The following LRRC40 variants were observed in gnomAD, a reference collection of about 807,000 sequenced individuals.
LRRC40 encodes leucine-rich repeat-containing protein 40.
LRRC40 carries 76 observed loss-of-function variants against 72.8 expected under a neutral mutation model. The ratio of observed to expected loss-of-function variants is 1.04; its 90% confidence interval spans 0.87 to 1.26. The LOEUF (loss-of-function observed/expected upper bound fraction) is 1.26. Among genes scored for constraint, LRRC40 ranks in the 50% most tolerant of loss-of-function variants. LRRC40 has a pLI of 0.00. For synonymous variants in LRRC40, 243 were observed against 254.2 expected, an observed-to-expected ratio of 0.96 and a Z score of 0.42; for missense variants, 684 against 698.9, an observed-to-expected ratio of 0.98 and a Z score of 0.24.
At chr1:70,179,391 G>A (rs1668192500) in intron 5 of LRRC40, among the ~76,000 whole-genome samples, 1 of 152,078 alleles carries the variant, frequency 6.6e-6, no homozygotes, top group Middle Eastern at 3.2e-3. Context: ...GGAGGTTGAG[G>A]CAGGAAGAAT....
chr1:70,195,367 A>AT (rs893493998), intron 1 of LRRC40, among the ~76,000 whole-genome samples: 3 of 149,536 alleles, frequency 2.0e-5, no homozygotes, highest in African/African-American at 7.3e-5. Flanking sequence ...ATAAAAACCC[A>AT]TTTAAAAAAA....
chr1:70,178,942 T>G lies in LRRC40; in HGVS notation c.713A>C (p.Glu238Ala), dbSNP rs769580652. 1 of 1,602,164 alleles carries G rather than the reference T, an allele frequency of 6.2e-7. No homozygotes were observed. The highest frequency in any genetic ancestry group is 2.2e-5 in the East Asian group (1 of 44,638). Residue 238 changes from glutamate (E) to alanine (A), a missense_variant, in exon 6 of 15, where the codon GAA becomes GCA. Transcript: ENST00000370952. Reference protein sequence around the residue: ...NSNLLETIPPELAGMESLELL... With the variant: ...NSNLLETIPPALAGMESLELL... ...TTCTAGTGATTCCATGCCAGCCAATTCAGGAGGTATAGTTTCCAAGAGATT... is the reference window on the plus strand; with the variant it reads ...TTCTAGTGATTCCATGCCAGCCAATGCAGGAGGTATAGTTTCCAAGAGATT...
intron 14 of LRRC40, 115 bp from the exon 15 acceptor site, chr1:70,146,020 T>G (rs894843139): frequency 1.8e-6 from 1 of 558,370 alleles, no homozygotes; most frequent in Admixed American, 3.3e-5. Flanking sequence ...TATTTGCCCC[T>G]TTTTATTTTT....
At chr1:70,200,227 G>A (rs1668705891) in intron 1 of LRRC40, among the ~76,000 whole-genome samples, 1 of 152,164 alleles carries the variant, frequency 6.6e-6, no homozygotes, top group Non-Finnish European at 1.5e-5. Flanking sequence ...AGTACTTCGG[G>A]AGGCCAAGGC....
chr1:70,151,031 A>T (rs1240710640), intron 13 of LRRC40, 97 bp downstream of exon 13: 1 of 625,540 alleles, frequency 1.6e-6, no homozygotes, highest in African/African-American at 1.9e-5. Flanking sequence ...GAAATAAAGT[A>T]GAAGGGGCCT....
intron 9 of LRRC40, among the ~76,000 whole-genome samples, chr1:70,165,550 T>A (rs1486352846): frequency 6.6e-6 from 1 of 152,236 alleles, no homozygotes; most frequent in African/African-American, 2.4e-5. Context: ...CCAAAGTTTT[T>A]ATCTCATTTT....
chr1:70,203,760 A>C (rs1668802243), intron 1 of LRRC40, among the ~76,000 whole-genome samples: 1 of 152,230 alleles, frequency 6.6e-6, no homozygotes, highest in African/African-American at 2.4e-5. Context: ...AAAGATAGGA[A>C]GATAAGAAGC....
chr1:70,162,839 T>C (rs987969014), intron 9 of LRRC40, among the ~76,000 whole-genome samples: 3 of 152,176 alleles, frequency 2.0e-5, no homozygotes, highest in Non-Finnish European at 4.4e-5. Context: ...AGTACAAGAT[T>C]GCAAAGAAAC....
At chr1:70,169,077 G>C (rs987060260) in intron 9 of LRRC40, among the ~76,000 whole-genome samples, 1 of 152,116 alleles carries the variant, frequency 6.6e-6, no homozygotes, top group South Asian at 2.1e-4. Flanking sequence ...GGTCCCAGGT[G>C]GGGGAGAACA....
intron 6 of LRRC40, among the ~76,000 whole-genome samples, chr1:70,177,389 T>C (rs890940489): frequency 2.6e-5 from 4 of 152,218 alleles, no homozygotes; most frequent in African/African-American, 4.8e-5. Context: ...CACTTCTTGT[T>C]GGTACTGTGG....
At position 70,187,830 on chromosome 1, in the gene LRRC40, C is replaced by CA. The variant is rs1268253187; in HGVS notation, c.334-493dup. On this transcript the variant is annotated intron_variant, in intron 2 of 14. Transcript: ENST00000370952. ...TGGGCTACAGAGTGAGACCCTGTCTCAAAAAATGGAAGAGAAGAGAAGAGA... is the reference window on the plus strand; with the variant it reads ...TGGGCTACAGAGTGAGACCCTGTCTCAAAAAAATGGAAGAGAAGAGAAGAGA... Among the ~76,000 whole-genome samples, 9 of 78,360 alleles carry CA rather than the reference C, an allele frequency of 1.1e-4. No individual in the cohort carries two copies. The South Asian group carries it at 4.4e-3, about 38-fold the overall frequency. 51.4% of individuals were successfully genotyped at this position (78,360 alleles called of 152,430 possible). A position where few individuals can be genotyped will look rare whatever the true frequency, so the allele number is the denominator to read the frequency against.
chr1:70,154,796 G>A (rs955052763), intron 11 of LRRC40, among the ~76,000 whole-genome samples: 71 of 151,832 alleles, frequency 4.7e-4, no homozygotes, highest in African/African-American at 1.7e-3. Flanking sequence ...AAAAGCATTA[G>A]GCTCTAGTTA....
chr1:70,146,877 A>G (rs1014097592), intron 14 of LRRC40: 1 of 152,216 alleles, frequency 6.6e-6, no homozygotes, highest in African/African-American at 2.4e-5. Flanking sequence ...AATATCTTCA[A>G]TTAAGAGAGG....
intron 13 of LRRC40, 121 bp from the exon 14 acceptor site, chr1:70,148,793 G>A: frequency 3.8e-6 from 2 of 525,774 alleles, no homozygotes; most frequent in Non-Finnish European, 6.3e-6. Flanking sequence ...TTCTGTAATT[G>A]GCATTAAGTC....
At chr1:70,195,049 C>A (rs534648550) in intron 1 of LRRC40, among the ~76,000 whole-genome samples, 182 of 152,158 alleles carry the variant, frequency 1.2e-3, no homozygotes, top group South Asian at 5.2e-3. Flanking sequence ...CCTTGTGACA[C>A]ACTCAAAAAT....
In LRRC40 at chr1:70,148,636, G is replaced by A; in HGVS notation, c.1554C>T (p.Phe518=). The change falls in exon 14 of 15, where the codon TTC becomes TTT. Residue 518 remains phenylalanine, a synonymous_variant. Transcript: ENST00000370952. ...KMLPEVLYRI[F]TLETILISNN... The stretch of plus-strand genomic sequence containing the variant: ...TACTAATCAGAATTGTTTCAAGTGT[G>A]AAGATACGATATAGAACTTCAGGTA... 6.2e-7 allele frequency: 1 copy of A among 1,611,936 alleles called. No homozygotes were observed. Among genetic ancestry groups the A allele is most frequent in the African/African-American group, 1.3e-5 (1 of 75,006 alleles).
At chr1:70,201,206 A>G (rs151188770) in intron 1 of LRRC40, among the ~76,000 whole-genome samples, 215 of 152,274 alleles carry the variant, frequency 1.4e-3, no homozygotes, top group African/African-American at 4.6e-3. Context: ...TTGAATGTAA[A>G]TCATAATTTG....
intron 9 of LRRC40, among the ~76,000 whole-genome samples, chr1:70,164,429 G>T (rs1667835429): frequency 6.6e-6 from 1 of 152,064 alleles, no homozygotes; most frequent in African/African-American, 2.4e-5. Context: ...TCCTATTCAT[G>T]AGAGTGGAGC....
At chr1:70,166,827 T>C (rs1319421297) in intron 9 of LRRC40, among the ~76,000 whole-genome samples, 2 of 152,068 alleles carry the variant, frequency 1.3e-5, no homozygotes, top group Non-Finnish European at 2.9e-5. Flanking sequence ...ATTCCTTACA[T>C]GCATTTGTTT....
Sources: allele counts gnomAD v4.1 joint callset (sites outside exome capture counted in the v4.1 genomes callset), GRCh38; gene constraint gnomAD v4.1.1; transcripts MANE v1.5; gene names NCBI Gene and HGNC (gene_info 2026-07-23, HGNC 2026-07-21).